The following LEPROTL1 variants were observed in gnomAD, a reference collection of about 807,000 sequenced individuals.
LEPROTL1 encodes leptin receptor overlapping transcript like 1, also known as leptin receptor overlapping transcript-like 1.
LEPROTL1 carries 6 observed loss-of-function variants against 15.4 expected under a neutral mutation model. The ratio of observed to expected loss-of-function variants is 0.39; its 90% CI spans 0.21 to 0.77. The LOEUF is 0.77. LEPROTL1 is among the 30% of genes least tolerant of loss of function. The pLI is 0.41. For synonymous variants in LEPROTL1, 56 were observed against 52.6 expected (o/e 1.06, Z -0.28); for missense variants, 128 against 158.1 (o/e 0.81, Z 1.02).
chr8:30,112,089 A>G (rs1005522782), downstream of LEPROTL1, among the ~76,000 whole-genome samples: 3 of 152,178 alleles, frequency 2.0e-5, no homozygotes, highest in African/African-American at 7.2e-5. Flanking sequence ...TAAGGGAGAA[A>G]TGGAAAATAA....
chr8:30,103,827 TTTA>T (rs1802511119), intron 2 of LEPROTL1, among the ~76,000 whole-genome samples: 1 of 152,156 alleles, frequency 6.6e-6, no homozygotes. Flanking sequence ...TGATACCTAT[TTTA>T]TTCTATGGTA....
In LEPROTL1 at chr8:30,106,352, G is replaced by C; in HGVS notation, c.*490G>C. On this transcript the variant is annotated 3_prime_UTR_variant, in exon 4 of 4. Coordinates refer to ENST00000321250, the MANE Select transcript of LEPROTL1 (RefSeq NM_015344.3). ...ATGACATCACTCCCAATGTTATGCA[G>C]ACATACAGACGGTTGGCATACGTTA... 1 of 986,366 alleles carries C rather than the reference G, an allele frequency of 1.0e-6. No individual in the cohort carries two copies. Among genetic ancestry groups the C allele is most frequent in the Non-Finnish European group, 1.2e-6 (1 of 830,322 alleles). 61.1% of individuals were successfully genotyped at this position (986,366 alleles called of 1,614,324 possible).
At chr8:30,121,137 C>A (rs11987257) in intron 3 of LEPROTL1, among the ~76,000 whole-genome samples, 1 of 152,088 alleles carries the variant, frequency 6.6e-6, no homozygotes, top group East Asian at 1.9e-4. Flanking sequence ...ATCTCAGGAG[C>A]CTTGAAACTA....
intron 1 of LEPROTL1, among the ~76,000 whole-genome samples, chr8:30,099,148 A>G (rs571997727): frequency 1.3e-5 from 2 of 152,344 alleles, no homozygotes; most frequent in East Asian, 3.9e-4. Context: ...TTCTCCCACT[A>G]GAACGTGAGA....
At chr8:30,111,500 C>T (rs2117497360), downstream of LEPROTL1, among the ~76,000 whole-genome samples, 1 of 152,292 alleles carries the variant, frequency 6.6e-6, no homozygotes, top group South Asian at 2.1e-4. Flanking sequence ...TCGGCTATGT[C>T]ATGAGGTAGT....
At chr8:30,105,514 C>T (rs1464314943) in intron 3 of LEPROTL1, among the ~76,000 whole-genome samples, 1 of 148,302 alleles carries the variant, frequency 6.7e-6, no homozygotes, top group Non-Finnish European at 1.5e-5. Flanking sequence ...CACTTTTATA[C>T]TATAAATATA....
At chr8:30,099,444 A>G (rs1361415282) in intron 1 of LEPROTL1, among the ~76,000 whole-genome samples, 2 of 151,068 alleles carry the variant, frequency 1.3e-5, no homozygotes, top group Non-Finnish European at 2.9e-5. Flanking sequence ...ATACAAAAAA[A>G]AAAAAAATTA....
chr8:30,096,190 T>G (rs1271888616), intron 1 of LEPROTL1: 2 of 783,510 alleles, frequency 2.6e-6, no homozygotes, highest in African/African-American at 3.1e-5. Context: ...TTCAAAATTT[T>G]TCTTTTTTTC....
exon 5 of LEPROTL1, chr8:30,137,559 T>C (rs991657400): frequency 1.6e-6 from 2 of 1,240,242 alleles, no homozygotes; most frequent in Non-Finnish European, 2.3e-6. Flanking sequence ...GCAGTGATGA[T>C]TAGTCACAAA....
At chr8:30,130,621 C>A (rs1802989295) in intron 3 of LEPROTL1, among the ~76,000 whole-genome samples, 1 of 151,992 alleles carries the variant, frequency 6.6e-6, no homozygotes, top group Non-Finnish European at 1.5e-5. Context: ...TGTTTACTTC[C>A]TGTTATTGAT....
At chr8:30,115,130 G>A (rs1802717370) in intron 3 of LEPROTL1, among the ~76,000 whole-genome samples, 1 of 152,152 alleles carries the variant, frequency 6.6e-6, no homozygotes, top group Non-Finnish European at 1.5e-5. Context: ...TTCGGAGGCA[G>A]AGGCGGGTGG....
At chr8:30,129,637 A>G (rs1802962208) in intron 3 of LEPROTL1, among the ~76,000 whole-genome samples, 6 of 151,768 alleles carry the variant, frequency 4.0e-5, no homozygotes, top group Admixed American at 3.9e-4. Flanking sequence ...CCTAGGAGGC[A>G]GAGGTTGCAA....
intron 1 of LEPROTL1, among the ~76,000 whole-genome samples, chr8:30,097,202 T>C (rs1294198715): frequency 6.6e-6 from 1 of 152,210 alleles, no homozygotes; most frequent in Non-Finnish European, 1.5e-5. Flanking sequence ...ACAGCTTATA[T>C]ACAAATGATG....
chr8:30,102,955 G>A (rs1040125797), intron 2 of LEPROTL1, among the ~76,000 whole-genome samples: 8 of 152,146 alleles, frequency 5.3e-5, no homozygotes, highest in Non-Finnish European at 1.0e-4. Flanking sequence ...TATTCTTTGA[G>A]TTAGCCCTTT....
chr8:30,115,478 T>A (rs1380691717), intron 3 of LEPROTL1, among the ~76,000 whole-genome samples: 1 of 148,766 alleles, frequency 6.7e-6, no homozygotes, highest in Non-Finnish European at 1.5e-5. Flanking sequence ...GCTTAGGTGA[T>A]CCTCCTACCT....
At chr8:30,100,887 C>A (rs1265625397) in intron 1 of LEPROTL1, among the ~76,000 whole-genome samples, 4 of 150,694 alleles carry the variant, frequency 2.7e-5, no homozygotes, top group Non-Finnish European at 5.9e-5. Context: ...GCGCGCGTAG[C>A]TTTAGAAACT....
chr8:30,112,605 A>T (rs545902320), downstream of LEPROTL1, among the ~76,000 whole-genome samples: 2 of 151,672 alleles, frequency 1.3e-5, no homozygotes, highest in Admixed American at 1.3e-4. Context: ...ATGGTAGCAC[A>T]CATCACAGCA....
chr8:30,098,010 C>G (rs934031697), intron 1 of LEPROTL1, among the ~76,000 whole-genome samples: 3 of 151,938 alleles, frequency 2.0e-5, no homozygotes, highest in African/African-American at 7.3e-5. Context: ...ACAGAACAGC[C>G]ACCTTCAGAG....
At chr8:30,096,491 C>T (rs1182997482) in intron 1 of LEPROTL1, 8 of 515,770 alleles carry the variant, frequency 1.6e-5, no homozygotes, top group Non-Finnish European at 2.0e-5. Flanking sequence ...AGTTTTTTTT[C>T]AGGGTCACAG....
Sources: gnomAD v4.1 joint callset for allele counts (sites outside exome capture counted in the v4.1 genomes callset) on GRCh38, gnomAD v4.1.1 for gene constraint, MANE v1.5 for transcripts, NCBI Gene and HGNC (gene_info 2026-07-23, HGNC 2026-07-21) for gene names.